Variants in AMBRA1 observed in about 807,000 individuals in gnomAD.
AMBRA1 encodes the protein activating molecule in BECN1-regulated autophagy protein 1.
Under a neutral mutation model 125.4 loss-of-function variants are expected in AMBRA1, and 47 were observed. The observed-to-expected ratio is 0.37, with a 90% CI of 0.30 to 0.48. The LOEUF is 0.48. AMBRA1 is among the 20% of genes least tolerant of loss of function. The probability of loss-of-function intolerance (pLI) is 0.99; values close to 1 mark genes in which losing one functional copy is unlikely to be tolerated. For missense variants in AMBRA1, 1,331 were observed against 1,693.4 expected, an observed-to-expected ratio of 0.79 and a Z score of 3.76; for synonymous variants, 626 against 655.5, an observed-to-expected ratio of 0.95 and a Z score of 0.69.
At chr11:46,406,106 T>A (rs981880606) in intron 17 of AMBRA1, among the ~76,000 whole-genome samples, 3 of 151,608 alleles carry the variant, frequency 2.0e-5, no homozygotes, top group African/African-American at 4.8e-5. Context: ...CAGGCTGGAG[T>A]GCAGTGGTGT....
At chr11:46,500,283 A>G (rs187403799) in intron 9 of AMBRA1, among the ~76,000 whole-genome samples, 148 of 149,482 alleles carry the variant, frequency 9.9e-4, no homozygotes, top group Middle Eastern at 3.5e-3. Flanking sequence ...AGGACTTAGC[A>G]TTTTTTTTTT....
At chr11:46,451,297 C>A (rs984374328) in intron 11 of AMBRA1, among the ~76,000 whole-genome samples, 5 of 152,210 alleles carry the variant, frequency 3.3e-5, no homozygotes, top group Non-Finnish European at 7.3e-5. Context: ...AGGTCTTCAA[C>A]TTGTAGGCCA....
intron 9 of AMBRA1, among the ~76,000 whole-genome samples, chr11:46,507,985 G>A (rs757548343): frequency 6.6e-6 from 1 of 152,188 alleles, no homozygotes; most frequent in Admixed American, 6.5e-5. Flanking sequence ...GTCCTCGCGC[G>A]CCAGTGAATC....
At chr11:46,430,518 C>T (rs574183730) in intron 14 of AMBRA1, among the ~76,000 whole-genome samples, 1 of 152,268 alleles carries the variant, frequency 6.6e-6, no homozygotes, top group Non-Finnish European at 1.5e-5. Flanking sequence ...GTCCAAGAAC[C>T]ACAGTTTGAG....
At chr11:46,593,008 A>G (rs2044662439) in intron 1 of AMBRA1, among the ~76,000 whole-genome samples, 1 of 152,220 alleles carries the variant, frequency 6.6e-6, no homozygotes, top group Non-Finnish European at 1.5e-5. Flanking sequence ...GTTATCAGGA[A>G]ACAAAGTAGA....
rs974284743 is a variant in AMBRA1 at position 46,433,411 on chromosome 11, C to G, written c.2976+63G>C. The G allele has an allele frequency of 5.1e-6, 8 of 1,578,840 alleles. No homozygotes were observed. The African/African-American group carries it at 5.4e-5, about 11-fold the overall frequency. The stretch of plus-strand genomic sequence containing the variant: ...GGCTGGGAGGTCACACCACTGTCCC[C>G]TCATTACCCTTCCAAGCCTAGGGGA... On this transcript the variant is annotated intron_variant, in intron 14 of 17. Transcript: ENST00000683756.
chr11:46,437,416 G>A (rs1947775460), intron 12 of AMBRA1, among the ~76,000 whole-genome samples: 1 of 152,228 alleles, frequency 6.6e-6, no homozygotes, highest in African/African-American at 2.4e-5. Flanking sequence ...AAAAGAGAAT[G>A]CTGAAAATTG....
chr11:46,433,307 A>G (rs1292037297), intron 14 of AMBRA1, among the ~76,000 whole-genome samples, 167 bp downstream of exon 14: 1 of 152,200 alleles, frequency 6.6e-6, no homozygotes, highest in African/African-American at 2.4e-5. Flanking sequence ...GAGCTTCCAC[A>G]AATGAAGCCT....
rs549440818 is a variant in AMBRA1, at chr11:46,468,389, AAAG to A, written c.2522-24794_2522-24792del. ...ACCTCATCTCTTGAAAAAAAAGAAA[AAAG>A]AAGAGGAAGGAGGCCCAAGCATTAC... On this transcript the variant is annotated intron_variant, in intron 11 of 17. Transcript: ENST00000683756. 6.2e-3 allele frequency among the ~76,000 whole-genome samples: 941 copies of A among 152,012 alleles called. 12 individuals are homozygous for A. The highest frequency in any genetic ancestry group is 0.022 in the African/African-American group (898 of 41,428).
chr11:46,525,097 C>T (rs1047043736), intron 7 of AMBRA1, among the ~76,000 whole-genome samples: 4 of 151,640 alleles, frequency 2.6e-5, no homozygotes, highest in Non-Finnish European at 4.4e-5. Context: ...CCCAGGAGTT[C>T]GAGACCAGCT....
intron 11 of AMBRA1, among the ~76,000 whole-genome samples, chr11:46,446,632 C>A (rs1191735163): frequency 1.3e-5 from 2 of 152,148 alleles, no homozygotes; most frequent in African/African-American, 4.8e-5. Flanking sequence ...ATTTAGCATC[C>A]CTGGCCTCTA....
chr11:46,410,460 T>C, intron 15 of AMBRA1, 92 bp from the exon 16 acceptor site: 1 of 1,110,938 alleles, frequency 9.0e-7, no homozygotes, highest in South Asian at 1.3e-5. Flanking sequence ...TTGTGGACTG[T>C]GGCTGCCCAT....
At chr11:46,571,923 C>T (rs1213389312) in intron 1 of AMBRA1, among the ~76,000 whole-genome samples, 2 of 151,966 alleles carry the variant, frequency 1.3e-5, no homozygotes, top group Non-Finnish European at 2.9e-5. Flanking sequence ...CTCCTGACCT[C>T]GTGATCCGCC....
intron 12 of AMBRA1, among the ~76,000 whole-genome samples, chr11:46,439,539 T>C (rs571646237): frequency 6.6e-6 from 1 of 152,260 alleles, no homozygotes; most frequent in East Asian, 1.9e-4. Context: ...AATTTCCTAG[T>C]GAATCAAAGA....
chr11:46,460,482 C>T (rs902262982), intron 11 of AMBRA1, among the ~76,000 whole-genome samples: 38 of 152,166 alleles, frequency 2.5e-4, no homozygotes, highest in African/African-American at 8.9e-4. Flanking sequence ...CCACCATGCC[C>T]GGCTAATTTT....
intron 1 of AMBRA1, among the ~76,000 whole-genome samples, chr11:46,587,534 T>C (rs375868004): frequency 2.0e-5 from 3 of 152,152 alleles, no homozygotes; most frequent in Admixed American, 1.3e-4. Context: ...ACTGAAGACT[T>C]AGATGGCAGC....
At position 46,583,652 on chromosome 11, in the gene AMBRA1, C is replaced by CAAAAAA. The variant is rs1398623719; in HGVS notation, c.-121+10170_-121+10175dup. Among the ~76,000 whole-genome samples, 14 of 12,558 alleles carry CAAAAAA rather than the reference C, an allele frequency of 1.1e-3. 1 individual carries two copies. Among genetic ancestry groups the CAAAAAA allele is most frequent in the East Asian group, 3.0e-3 (1 of 336 alleles). The allele number at this position is 12,558 out of a possible 152,430, so 8.2% of individuals were successfully genotyped here. A position where few individuals can be genotyped will look rare whatever the true frequency, so the allele number is the denominator to read the frequency against. On this transcript the variant is annotated intron_variant, in intron 1 of 17. Transcript: ENST00000683756. ...TCTACAATGAACTCAAACAAATTTCCAAAAAAAAAAAAAAAAAAAAAAAAA... is the reference window on the plus strand; with the variant it reads ...TCTACAATGAACTCAAACAAATTTCCAAAAAAAAAAAAAAAAAAAAAAAAAAAAAAA...
Position 46,545,677 on chromosome 11 carries a change from T to A in AMBRA1, c.478A>T (p.Ile160Phe), listed in dbSNP as rs1201947185. Residue 160 changes from isoleucine (I) to phenylalanine (F), a missense_variant, in exon 5 of 18, where the codon ATC (isoleucine) becomes TTC (phenylalanine). By Grantham distance (21) the Ile-to-Phe change is conservative. Transcript: ENST00000683756. Reference sequence around the variant, plus strand: ...CGTCGACTCCAGTCCCAGAAGTGGATCTCATTGGCAGTGGCAATCAGCAGG... The same window carrying A: ...CGTCGACTCCAGTCCCAGAAGTGGAACTCATTGGCAGTGGCAATCAGCAGG... ...QLLLIATANEIHFWDWSRREP... is the reference protein window; with the variant it reads ...QLLLIATANEFHFWDWSRREP... The A allele has an allele frequency of 6.2e-7, 1 of 1,614,004 alleles. No individual in the cohort carries two copies. Among genetic ancestry groups the A allele is most frequent in the Non-Finnish European group, 8.5e-7 (1 of 1,180,014 alleles).
chr11:46,512,912 T>C, intron 7 of AMBRA1, 99 bp from the exon 8 acceptor site: 2 of 1,090,116 alleles, frequency 1.8e-6, no homozygotes, highest in South Asian at 3.2e-5. Flanking sequence ...CTTTCCCCTT[T>C]TGCAGCCAGC....
Sources: gnomAD v4.1 joint callset for allele counts (sites outside exome capture counted in the v4.1 genomes callset) on GRCh38, gnomAD v4.1.1 for gene constraint, MANE v1.5 for transcripts, NCBI Gene and HGNC (gene_info 2026-07-23, HGNC 2026-07-21) for gene names.